The following MAGI2 variants were observed in gnomAD, a reference collection of about 807,000 sequenced individuals.
MAGI2 encodes membrane-associated guanylate kinase, WW and PDZ domain-containing protein 2.
A neutral mutation model predicts 133.3 loss-of-function variants in MAGI2; 35 were observed. That is an observed-to-expected ratio of 0.26 (90% CI 0.20 to 0.35). The LOEUF is 0.35. Among genes scored for constraint, MAGI2 ranks in the 10% least tolerant of loss-of-function variants. MAGI2 has a pLI of 1.00. For missense variants in MAGI2, 1,636 were observed against 1,863.4 expected (o/e 0.88, Z 2.25); for synonymous variants, 729 against 710.6 (o/e 1.03, Z -0.41).
chr7:78,208,994 A>G (rs553030617), intron 10 of MAGI2, among the ~76,000 whole-genome samples: 26 of 151,350 alleles, frequency 1.7e-4, no homozygotes, highest in South Asian at 1.1e-3. Context: ...AGGCCGAGGC[A>G]GGTGGATCAC....
chr7:78,241,249 C>T (rs1251064458), intron 10 of MAGI2, among the ~76,000 whole-genome samples: 1 of 152,068 alleles, frequency 6.6e-6, no homozygotes, highest in East Asian at 1.9e-4. Context: ...AATATAAAAA[C>T]TCGCTACAAT....
intron 20 of MAGI2, among the ~76,000 whole-genome samples, chr7:78,116,047 T>TA (rs1819839657): frequency 6.6e-6 from 1 of 152,176 alleles, no homozygotes; most frequent in Admixed American, 6.5e-5. Flanking sequence ...GGATCATATA[T>TA]AAAAAATGCA....
intron 2 of MAGI2, among the ~76,000 whole-genome samples, chr7:79,003,482 G>A (rs1807103377): frequency 6.6e-6 from 1 of 152,196 alleles, no homozygotes; most frequent in Non-Finnish European, 1.5e-5. Context: ...TATCATTAAT[G>A]CATGCATGTA....
intron 3 of MAGI2, among the ~76,000 whole-genome samples, chr7:78,578,558 T>C (rs896347472): frequency 5.9e-5 from 9 of 152,158 alleles, no homozygotes; most frequent in African/African-American, 1.9e-4. Flanking sequence ...AGGATTATTT[T>C]TTATTTTTAT....
chr7:79,178,368 G>A (rs13309906), intron 1 of MAGI2, among the ~76,000 whole-genome samples: 97,208 of 151,826 alleles, frequency 0.64, 35,633 homozygotes, highest in Non-Finnish European at 0.83. Context: ...ATAGATATTC[G>A]ATAGATATGT....
intron 2 of MAGI2, among the ~76,000 whole-genome samples, chr7:78,913,248 G>A (rs1292861446): frequency 1.3e-5 from 2 of 152,220 alleles, no homozygotes; most frequent in East Asian, 1.9e-4. Context: ...GGTGATTGGA[G>A]CATGGGAGCA....
chr7:79,327,679 TCA>T (rs144532989), intron 1 of MAGI2, among the ~76,000 whole-genome samples: 5 of 151,304 alleles, frequency 3.3e-5, no homozygotes, highest in Admixed American at 6.6e-5. Flanking sequence ...TCTCTCTATT[TCA>T]CACACACACA....
intron 1 of MAGI2, among the ~76,000 whole-genome samples, chr7:79,110,075 G>A (rs1163116510): frequency 2.6e-5 from 4 of 151,726 alleles, no homozygotes; most frequent in Non-Finnish European, 5.9e-5. Context: ...AACCTTCATG[G>A]TTTCCACATG....
In MAGI2 at chr7:79,276,356, G is replaced by A. The variant is rs140140717; in HGVS notation, c.301+176664C>T. Among the ~76,000 whole-genome samples the A allele has an allele frequency of 2.6e-5, 4 of 152,236 alleles. No individual in the cohort carries two copies. The East Asian group carries it at 7.7e-4, about 29-fold the overall frequency. Reference sequence around the variant, plus strand: ...CAAGAAAACTAGAATTAGAAGTGGAGCCTGAAGTCACTCCACCCTTTAGCA... The same window carrying A: ...CAAGAAAACTAGAATTAGAAGTGGAACCTGAAGTCACTCCACCCTTTAGCA... On this transcript the variant is annotated intron_variant, in intron 1 of 21. Coordinates refer to ENST00000354212, the MANE Select transcript of MAGI2 (RefSeq NM_012301.4).
At chr7:79,135,984 A>AC (rs1821386389) in intron 1 of MAGI2, among the ~76,000 whole-genome samples, 1 of 38,214 alleles carries the variant, frequency 2.6e-5, no homozygotes, top group African/African-American at 4.9e-5. Flanking sequence ...AGAAAGAAAG[A>AC]AAGAAAGAAA....
At chr7:78,702,982 T>C (rs1818231990) in intron 2 of MAGI2, among the ~76,000 whole-genome samples, 1 of 151,984 alleles carries the variant, frequency 6.6e-6, no homozygotes, top group South Asian at 2.1e-4. Context: ...TGGAGAAATC[T>C]TGATGAGTAA....
intron 2 of MAGI2, among the ~76,000 whole-genome samples, chr7:78,655,898 C>G (rs1388344235): frequency 5.4e-5 from 8 of 147,114 alleles, no homozygotes; most frequent in Non-Finnish European, 1.0e-4. Flanking sequence ...GGAGAATGGC[C>G]TGAACCCGGG....
At chr7:78,919,190 G>A (rs901788263) in intron 2 of MAGI2, among the ~76,000 whole-genome samples, 2 of 152,006 alleles carry the variant, frequency 1.3e-5, no homozygotes, top group African/African-American at 4.8e-5. Context: ...TGTTAAGGAT[G>A]GGAACAATTC....
At chr7:78,350,150 A>G (rs1791354946) in intron 7 of MAGI2, 1 of 152,206 alleles carries the variant, frequency 6.6e-6, no homozygotes, top group South Asian at 2.1e-4. Context: ...CTGATGAGAG[A>G]TGCTTCCAAA....
chr7:78,684,240 AT>A (rs376408061), intron 2 of MAGI2, among the ~76,000 whole-genome samples: 7 of 152,156 alleles, frequency 4.6e-5, no homozygotes, highest in African/African-American at 1.4e-4. Flanking sequence ...TAGGCCTTGT[AT>A]TTTTTTAAAG....
rs1849442587 is a variant in MAGI2 at position 79,453,495 on chromosome 7, GGGA to G, written c.-178_-176del. ...TTGGATGGAGTGTGGACGAGGAATG[GGGA>G]GGATGAGAGGGACGGCTGGGCAGAG... is the stretch of plus-strand genomic sequence containing the variant. On this transcript the variant is annotated 5_prime_UTR_variant, in exon 1 of 22. Transcript: ENST00000354212. The G allele has an allele frequency of 4.7e-5, 67 of 1,419,086 alleles. 1 individual carries two copies. The South Asian group carries it at 7.1e-4, about 15-fold the overall frequency. 87.9% of individuals were successfully genotyped at this position (1,419,086 alleles called of 1,614,324 possible).
intron 1 of MAGI2, among the ~76,000 whole-genome samples, chr7:79,166,017 A>G (rs1468519208): frequency 6.6e-6 from 1 of 152,006 alleles, no homozygotes; most frequent in East Asian, 1.9e-4. Flanking sequence ...GTAGGGAAAA[A>G]TCTTTGTTGG....
At chr7:78,923,674 A>T (rs532923527) in intron 2 of MAGI2, among the ~76,000 whole-genome samples, 2,429 of 152,034 alleles carry the variant, frequency 0.016, 72 homozygotes, top group African/African-American at 0.056. Context: ...CTTGGTGATG[A>T]GGGCTCTTTT....
chr7:79,451,798 A>C (rs935295487), intron 1 of MAGI2, among the ~76,000 whole-genome samples: 3 of 152,334 alleles, frequency 2.0e-5, no homozygotes, highest in Middle Eastern at 3.4e-3. Flanking sequence ...CATCGACGAC[A>C]ACAACAAACC....
Sources: gnomAD v4.1 joint callset for allele counts (sites outside exome capture counted in the v4.1 genomes callset) on GRCh38, gnomAD v4.1.1 for gene constraint, MANE v1.5 for transcripts, NCBI Gene and HGNC (gene_info 2026-07-23, HGNC 2026-07-21) for gene names.